Variants in ENOPH1 observed in about 807,000 individuals in gnomAD.
ENOPH1 encodes the protein enolase-phosphatase 1.
In ENOPH1, 14 loss-of-function variants were observed where a neutral mutation model predicts 31.1. The observed-to-expected ratio is 0.45, with a 90% CI of 0.30 to 0.70. The LOEUF (loss-of-function observed/expected upper bound fraction) is 0.70. ENOPH1 is among the 30% of genes least tolerant of loss of function. The pLI is 0.09. For missense variants in ENOPH1, 243 were observed against 321.5 expected (o/e 0.76, Z 1.87); for synonymous variants, 127 against 123.2 (o/e 1.03, Z -0.21).
chr4:82,444,249 TCTCA>T (rs2110041151), intron 1 of ENOPH1, among the ~76,000 whole-genome samples: 1 of 147,852 alleles, frequency 6.8e-6, no homozygotes, highest in South Asian at 2.2e-4. Context: ...TGAGACGGAG[TCTCA>T]CTCTCTCACC....
At chr4:82,444,927 A>G (rs141653923) in intron 1 of ENOPH1, among the ~76,000 whole-genome samples, 1 of 152,336 alleles carries the variant, frequency 6.6e-6, no homozygotes, top group East Asian at 1.9e-4. Flanking sequence ...AAGTTAAAAC[A>G]TTTATTGTCA....
chr4:82,441,914 G>C (rs1722052641), intron 1 of ENOPH1, among the ~76,000 whole-genome samples: 1 of 152,208 alleles, frequency 6.6e-6, no homozygotes, highest in African/African-American at 2.4e-5. Context: ...AACTTTAACA[G>C]AGAAAGATGC....
intron 1 of ENOPH1, among the ~76,000 whole-genome samples, chr4:82,439,198 G>C (rs1192346141): frequency 1.3e-5 from 2 of 152,208 alleles, no homozygotes; most frequent in Non-Finnish European, 2.9e-5. Context: ...TTCTAGGTAT[G>C]TGCATGAGGG....
intron 2 of ENOPH1, among the ~76,000 whole-genome samples, chr4:82,449,057 CAAAAAAAAAAAAA>C (rs10604951): frequency 4.0e-5 from 2 of 49,494 alleles, no homozygotes; most frequent in South Asian, 8.4e-4. Flanking sequence ...GACTCCGTCT[CAAAAAAAAAAAAA>C]AAAAAAAAAA....
intron 2 of ENOPH1, among the ~76,000 whole-genome samples, chr4:82,449,036 C>T (rs991157854): frequency 8.2e-6 from 1 of 122,498 alleles, no homozygotes; most frequent in Non-Finnish European, 1.6e-5. Flanking sequence ...CCAGCCTGGG[C>T]GACAGAGCGA....
rs779470380 is a variant in ENOPH1, at chr4:82,454,690, C to A, written c.390-32C>A. 4 of 1,602,334 alleles carry A rather than the reference C, an allele frequency of 2.5e-6. No homozygotes were observed. In the Admixed American group the frequency reaches 7.1e-5, roughly 28 times the overall value. On this transcript the variant is annotated intron_variant, in intron 3 of 5. Transcript: ENST00000273920. ...TTTTTATCTGGCTAGATGAGGTGTT[C>A]CTGTATTTTAACTTAGTGGTCTTCC...
intron 5 of ENOPH1, among the ~76,000 whole-genome samples, chr4:82,457,829 T>C (rs1378819978): frequency 1.3e-5 from 2 of 152,244 alleles, no homozygotes; most frequent in Non-Finnish European, 2.9e-5. Flanking sequence ...AGACCACTTA[T>C]AGTTTCTTCA....
chr4:82,443,085 C>G (rs1211003450), intron 1 of ENOPH1, among the ~76,000 whole-genome samples: 1 of 151,988 alleles, frequency 6.6e-6, no homozygotes, highest in African/African-American at 2.4e-5. Context: ...GGACTACAGG[C>G]GGAGCCACCG....
rs1722626233 is a variant in ENOPH1 at position 82,460,778 on chromosome 4, T to C, written c.*658T>C. The C allele has an allele frequency of 6.6e-6, 1 of 152,268 alleles. No individual in the cohort carries two copies. The allele number at this position is 152,268 out of a possible 1,614,324, so 9.4% of individuals were successfully genotyped here. A position where few individuals can be genotyped will look rare whatever the true frequency, so the allele number is the denominator to read the frequency against. On this transcript the variant is annotated 3_prime_UTR_variant, in exon 6 of 6. Coordinates refer to ENST00000273920, the MANE Select transcript of ENOPH1 (RefSeq NM_021204.5). ...GAAAAAGGTGCACTGAGGTAACATC[T>C]AAAACAGAGATGTGGTTCTTAATGT...
chr4:82,434,732 A>T (rs1721862349), intron 1 of ENOPH1, among the ~76,000 whole-genome samples: 1 of 151,606 alleles, frequency 6.6e-6, no homozygotes, highest in African/African-American at 2.4e-5. Flanking sequence ...AAAAGAAAAG[A>T]AAAAAAGGAA....
At chr4:82,433,256 C>G (rs1469078599) in intron 1 of ENOPH1, among the ~76,000 whole-genome samples, 1 of 152,200 alleles carries the variant, frequency 6.6e-6, no homozygotes, top group Non-Finnish European at 1.5e-5. Context: ...CCCTCCCCCA[C>G]CTTTTTCCCC....
Position 82,430,612 on chromosome 4 carries a change from T to A in ENOPH1, c.-218T>A. 1 of 556,592 alleles carries A rather than the reference T, an allele frequency of 1.8e-6. No homozygotes were observed. Among genetic ancestry groups the A allele is most frequent in the Non-Finnish European group, 3.2e-6 (1 of 311,210 alleles). The allele number at this position is 556,592 out of a possible 1,614,324, so 34.5% of individuals were successfully genotyped here. ...GTGGTCTCGGGCTCCTGCCCCGTCC[T>A]GCTCACGAGTTCAGGGCTCCTGGGC... is the stretch of plus-strand genomic sequence containing the variant. On this transcript the variant is annotated 5_prime_UTR_variant, in exon 1 of 6. Coordinates refer to ENST00000273920, the MANE Select transcript of ENOPH1 (RefSeq NM_021204.5).
intron 1 of ENOPH1, among the ~76,000 whole-genome samples, chr4:82,444,823 A>G (rs532420732): frequency 1.3e-5 from 2 of 152,346 alleles, no homozygotes; most frequent in African/African-American, 4.8e-5. Flanking sequence ...TGGACTGAAA[A>G]TATTCGCACA....
chr4:82,456,025 CA>C (rs1168299139), intron 4 of ENOPH1, among the ~76,000 whole-genome samples: 2 of 151,846 alleles, frequency 1.3e-5, no homozygotes, highest in African/African-American at 4.8e-5. Context: ...ACCCTTTAAT[CA>C]TTGGTGACTG....
intron 1 of ENOPH1, among the ~76,000 whole-genome samples, chr4:82,433,136 A>G (rs1721819533): frequency 3.3e-5 from 5 of 152,230 alleles, no homozygotes. Flanking sequence ...GGATAAGGAC[A>G]GGAGAGGTAG....
In ENOPH1 at chr4:82,430,778, G is replaced by A; in HGVS notation, c.-52G>A. ...GGGGGCCGCAGCCGCAGCCGGCGCC[G>A]CCCTCCGCCCTCCCCAACAGCAGGC... On this transcript the variant is annotated 5_prime_UTR_variant, in exon 1 of 6. Transcript: ENST00000273920. The A allele has an allele frequency of 1.3e-6, 2 of 1,562,950 alleles. No homozygotes were observed. Among genetic ancestry groups the A allele is most frequent in the Non-Finnish European group, 8.8e-7 (1 of 1,135,120 alleles).
Position 82,460,119 on chromosome 4 carries a change from A to G in ENOPH1, c.785A>G (p.Ter262TrpextTer19). ...GAACTATACCTGCCTTCCTCAACCT[A>G]GAGAAGGGTTGTTAAGGCAGACCGC... is the stretch of plus-strand genomic sequence containing the variant. ...FSELYLPSST[*>W] The change falls in exon 6 of 6, where the codon TAG becomes TGG. Residue 262 changes from the stop codon to tryptophan (W), a stop_lost. Coordinates refer to ENST00000273920, the MANE Select transcript of ENOPH1 (RefSeq NM_021204.5). 1 of 1,614,190 alleles carries G rather than the reference A, an allele frequency of 6.2e-7. No homozygotes were observed. The highest frequency in any genetic ancestry group is 8.5e-7 in the Non-Finnish European group (1 of 1,180,014).
chr4:82,448,425 T>G (rs1287294755), intron 2 of ENOPH1, among the ~76,000 whole-genome samples: 1 of 151,760 alleles, frequency 6.6e-6, no homozygotes, highest in Non-Finnish European at 1.5e-5. Flanking sequence ...CATGCCCAGC[T>G]AATTTTTTGT....
intron 1 of ENOPH1, among the ~76,000 whole-genome samples, chr4:82,431,682 C>T (rs1019885461): frequency 6.6e-6 from 1 of 152,146 alleles, no homozygotes; most frequent in African/African-American, 2.4e-5. Context: ...TGAAATGTTA[C>T]TTTAATTTTT....
Sources: gnomAD v4.1 joint callset for allele counts (sites outside exome capture counted in the v4.1 genomes callset) on GRCh38, gnomAD v4.1.1 for gene constraint, MANE v1.5 for transcripts, NCBI Gene and HGNC (gene_info 2026-07-23, HGNC 2026-07-21) for gene names.